Variants in FYB2 observed in about 807,000 individuals in gnomAD.
FYB2 encodes the protein FYN binding protein 2, also known as FYN-binding protein 2.
In FYB2, 103 loss-of-function variants were observed where a neutral mutation model predicts 94.1. That is an observed-to-expected ratio of 1.09 (90% CI 0.93 to 1.29). FYB2 has a LOEUF of 1.29. Among genes scored for constraint, FYB2 ranks in the 50% most tolerant of loss-of-function variants. The probability of loss-of-function intolerance (pLI) is 0.00; values close to 1 mark genes in which losing one functional copy is unlikely to be tolerated. For synonymous variants in FYB2, 293 were observed against 287.9 expected, an observed-to-expected ratio of 1.02 and a Z score of -0.18; for missense variants, 896 against 841.5, an observed-to-expected ratio of 1.06 and a Z score of -0.80.
At chr1:56,813,789 G>T (rs891808226) in intron 1 of FYB2, among the ~76,000 whole-genome samples, 2 of 152,132 alleles carry the variant, frequency 1.3e-5, no homozygotes, top group Non-Finnish European at 2.9e-5. Flanking sequence ...TTCAAACCTT[G>T]GTTGAATGTT....
chr1:56,753,327 C>T (rs1645245782), intron 8 of FYB2, among the ~76,000 whole-genome samples: 1 of 152,102 alleles, frequency 6.6e-6, no homozygotes, highest in Non-Finnish European at 1.5e-5. Context: ...GAATACATTT[C>T]ATTTGTATGG....
chr1:56,805,819 C>T (rs953103825), intron 1 of FYB2, among the ~76,000 whole-genome samples: 1 of 152,140 alleles, frequency 6.6e-6, no homozygotes, highest in African/African-American at 2.4e-5. Context: ...TGCTGCCATC[C>T]ATGTAAGATG....
intron 3 of FYB2, among the ~76,000 whole-genome samples, chr1:56,787,599 T>G (rs1157196295): frequency 1.3e-5 from 2 of 152,202 alleles, no homozygotes; most frequent in African/African-American, 4.8e-5. Flanking sequence ...CAAGCACTAT[T>G]TAAGCCCTTT....
intron 15 of FYB2, among the ~76,000 whole-genome samples, chr1:56,727,661 G>A (rs1485938553): frequency 6.6e-6 from 1 of 152,020 alleles, no homozygotes; most frequent in Non-Finnish European, 1.5e-5. Flanking sequence ...ACAAGGAAAT[G>A]AAAACACCAA....
At chr1:56,769,432 A>G (rs1645701936) in intron 4 of FYB2, among the ~76,000 whole-genome samples, 1 of 152,160 alleles carries the variant, frequency 6.6e-6, no homozygotes, top group African/African-American at 2.4e-5. Context: ...GATAGGGAGG[A>G]TAGAATGAGA....
chr1:56,806,249 G>A (rs150637987), intron 1 of FYB2, among the ~76,000 whole-genome samples: 84 of 152,300 alleles, frequency 5.5e-4, no homozygotes, highest in African/African-American at 1.7e-3. Flanking sequence ...TAACCAGACT[G>A]GGGACAGAGA....
intron 4 of FYB2, among the ~76,000 whole-genome samples, chr1:56,781,779 A>G (rs1570129059): frequency 6.6e-6 from 1 of 152,310 alleles, no homozygotes; most frequent in East Asian, 1.9e-4. Flanking sequence ...ACAGCTCACA[A>G]GATACTCCAC....
intron 2 of FYB2, among the ~76,000 whole-genome samples, chr1:56,791,119 A>G (rs562596943): frequency 6.6e-6 from 1 of 152,284 alleles, no homozygotes; most frequent in East Asian, 1.9e-4. Context: ...CAGAAACCAT[A>G]CAAGGTTGTA....
upstream of FYB2, among the ~76,000 whole-genome samples, chr1:56,820,060 T>C (rs946288993): frequency 2.0e-5 from 3 of 151,998 alleles, no homozygotes; most frequent in Non-Finnish European, 4.4e-5. Flanking sequence ...AAACCCTGTC[T>C]CTACCAAAAA....
chr1:56,768,669 G>A (rs558942187), intron 4 of FYB2, among the ~76,000 whole-genome samples: 4 of 152,200 alleles, frequency 2.6e-5, no homozygotes, highest in South Asian at 4.1e-4. Context: ...CACAATCCAC[G>A]GCACCTGTAG....
At chr1:56,804,418 A>G (rs1217192352) in intron 1 of FYB2, among the ~76,000 whole-genome samples, 1 of 152,208 alleles carries the variant, frequency 6.6e-6, no homozygotes, top group Non-Finnish European at 1.5e-5. Flanking sequence ...TTTCATGCCA[A>G]TGATGCATCT....
chr1:56,775,408 G>A (rs1006479388), intron 4 of FYB2, among the ~76,000 whole-genome samples: 1 of 152,100 alleles, frequency 6.6e-6, no homozygotes, highest in African/African-American at 2.4e-5. Flanking sequence ...ACTTAACTCT[G>A]AAGCTACATT....
chr1:56,788,616 A>G (rs1445761788), intron 3 of FYB2, among the ~76,000 whole-genome samples: 3 of 151,864 alleles, frequency 2.0e-5, no homozygotes, highest in African/African-American at 7.3e-5. Flanking sequence ...CTCCCTTTTC[A>G]CTCCCTCCCC....
intron 15 of FYB2, among the ~76,000 whole-genome samples, chr1:56,733,365 T>A (rs1359656642): frequency 6.6e-6 from 1 of 152,108 alleles, no homozygotes; most frequent in South Asian, 2.1e-4. Context: ...ATTTTGTTGA[T>A]CTTTTCAAAA....
chr1:56,773,546 T>C (rs1293403899), intron 4 of FYB2, among the ~76,000 whole-genome samples: 1 of 152,058 alleles, frequency 6.6e-6, no homozygotes, highest in Non-Finnish European at 1.5e-5. Context: ...GGGTTTAGTG[T>C]GGGAATAACT....
intron 6 of FYB2, among the ~76,000 whole-genome samples, chr1:56,757,018 A>G (rs1645350136): frequency 6.6e-6 from 1 of 152,170 alleles, no homozygotes; most frequent in Non-Finnish European, 1.5e-5. Flanking sequence ...ATAGTCAAGA[A>G]TATTCCAAGT....
chr1:56,776,173 C>T (rs963450240), intron 4 of FYB2, among the ~76,000 whole-genome samples: 10 of 152,056 alleles, frequency 6.6e-5, no homozygotes, highest in South Asian at 4.2e-4. Flanking sequence ...AAGCACCAGA[C>T]GATGGTGAAG....
intron 4 of FYB2, among the ~76,000 whole-genome samples, chr1:56,770,740 T>C (rs1371168069): frequency 1.3e-5 from 2 of 152,128 alleles, no homozygotes; most frequent in East Asian, 1.9e-4. Context: ...ACATACTTAA[T>C]AGTAAAGTGT....
intron 15 of FYB2, among the ~76,000 whole-genome samples, chr1:56,727,691 T>G (rs1644612789): frequency 6.6e-6 from 1 of 152,272 alleles, no homozygotes; most frequent in Non-Finnish European, 1.5e-5. Context: ...AACAGTCACC[T>G]TGAGGGAAAG....
Sources: gnomAD v4.1 joint callset for allele counts (sites outside exome capture counted in the v4.1 genomes callset) on GRCh38, gnomAD v4.1.1 for gene constraint, MANE v1.5 for transcripts, NCBI Gene and HGNC (gene_info 2026-07-23, HGNC 2026-07-21) for gene names.